LHPP: variants seen among roughly 807,000 people sequenced by gnomAD.
The protein encoded by LHPP is phospholysine phosphohistidine inorganic pyrophosphate phosphatase.
In LHPP, 24 loss-of-function variants were observed where a neutral mutation model predicts 30.3. The observed-to-expected ratio is 0.79, with a 90% CI of 0.57 to 1.11. LHPP has a LOEUF of 1.11. Ranked by LOEUF, LHPP falls within the 50% of genes most tolerant of loss-of-function variation. LHPP has a pLI of 0.00. For synonymous variants in LHPP, 150 were observed against 157.1 expected, an observed-to-expected ratio of 0.95 and a Z score of 0.34; for missense variants, 356 against 367.2, an observed-to-expected ratio of 0.97 and a Z score of 0.25.
intron 6 of LHPP, chr10:124,526,086 G>C: frequency 1.3e-6 from 1 of 745,388 alleles, no homozygotes; most frequent in Non-Finnish European, 1.6e-6. Flanking sequence ...GAGGGTCCTG[G>C]AAGGCGCTGG....
intron 2 of LHPP, 40 bp downstream of exon 2, chr10:124,484,366 C>T: frequency 1.3e-6 from 2 of 1,576,450 alleles, no homozygotes; most frequent in Middle Eastern, 1.8e-4. Flanking sequence ...GGGGTGAAAG[C>T]TCCCCTTTCC....
chr10:124,489,802 G>A, intron 3 of LHPP: 2 of 189,758 alleles, frequency 1.1e-5, no homozygotes, highest in South Asian at 8.4e-5. Context: ...TTTATTCAAT[G>A]CAAAATAACC....
chr10:124,521,971 TCTC>T (rs111405229), intron 6 of LHPP, among the ~76,000 whole-genome samples: 11,170 of 152,214 alleles, frequency 0.073, 620 homozygotes, highest in South Asian at 0.25. Flanking sequence ...GGCAGTGAGA[TCTC>T]CTTGTCACCT....
intron 6 of LHPP, among the ~76,000 whole-genome samples, chr10:124,571,540 A>C (rs1351836850): frequency 6.6e-6 from 1 of 152,212 alleles, no homozygotes; most frequent in East Asian, 1.9e-4. Context: ...ACTGCCTAAA[A>C]GCTGTGGACC....
chr10:124,553,449 C>CTTTTTT (rs35840555), intron 6 of LHPP, among the ~76,000 whole-genome samples: 9 of 61,614 alleles, frequency 1.5e-4, no homozygotes, highest in Admixed American at 2.7e-4. Context: ...TACAGCCATT[C>CTTTTTT]TTTTTTTTTT....
At chr10:124,467,905 T>TA (rs1369731363) in intron 1 of LHPP, among the ~76,000 whole-genome samples, 1 of 152,138 alleles carries the variant, frequency 6.6e-6, no homozygotes, top group Non-Finnish European at 1.5e-5. Flanking sequence ...AGACGGGGTT[T>TA]CACCATGTTG....
At chr10:124,495,770 T>C (rs1031608724) in intron 3 of LHPP, among the ~76,000 whole-genome samples, 1 of 152,184 alleles carries the variant, frequency 6.6e-6, no homozygotes, top group Non-Finnish European at 1.5e-5. Flanking sequence ...ATAATAATAT[T>C]CTCCTGTCTC....
intron 1 of LHPP, among the ~76,000 whole-genome samples, chr10:124,483,352 G>A (rs1164337228): frequency 2.6e-5 from 4 of 152,186 alleles, no homozygotes; most frequent in Non-Finnish European, 5.9e-5. Context: ...ACTTGCAAGT[G>A]GAAATGCCAA....
intron 1 of LHPP, among the ~76,000 whole-genome samples, chr10:124,472,558 T>TA (rs1055331201): frequency 2.0e-5 from 3 of 150,332 alleles, no homozygotes; most frequent in Admixed American, 6.6e-5. Flanking sequence ...TGTATAAACT[T>TA]ACTTTTTTTT....
At chr10:124,526,060 A>G in intron 6 of LHPP, 1 of 467,404 alleles carries the variant, frequency 2.1e-6, no homozygotes, top group Non-Finnish European at 2.8e-6. Flanking sequence ...GCCTCTTGGG[A>G]ACGTGCAGGT....
chr10:124,602,743 T>C (rs1378532257), intron 6 of LHPP, among the ~76,000 whole-genome samples: 4 of 151,582 alleles, frequency 2.6e-5, no homozygotes, highest in Admixed American at 2.0e-4. Context: ...TGGAAGAAAA[T>C]TGGGGTTCAG....
intron 1 of LHPP, among the ~76,000 whole-genome samples, chr10:124,463,070 T>C (rs1952451175): frequency 6.6e-6 from 1 of 152,224 alleles, no homozygotes. Context: ...GGTTTCACCA[T>C]GTTGGGCAGG....
At chr10:124,469,026 A>T (rs1005966011) in intron 1 of LHPP, among the ~76,000 whole-genome samples, 1 of 152,184 alleles carries the variant, frequency 6.6e-6, no homozygotes, top group Non-Finnish European at 1.5e-5. Flanking sequence ...AGCAGGCCCT[A>T]CTTGCCCAGG....
At chr10:124,534,766 C>T (rs919408749) in intron 6 of LHPP, among the ~76,000 whole-genome samples, 3 of 152,170 alleles carry the variant, frequency 2.0e-5, no homozygotes, top group African/African-American at 7.2e-5. Flanking sequence ...GGGTGCTCCC[C>T]AGGCTGGCGC....
At chr10:124,537,411 G>A (rs930439409) in intron 6 of LHPP, among the ~76,000 whole-genome samples, 3 of 152,240 alleles carry the variant, frequency 2.0e-5, no homozygotes, top group Non-Finnish European at 4.4e-5. Flanking sequence ...CAGAGATAGC[G>A]GGCAGCAGGC....
intron 6 of LHPP, among the ~76,000 whole-genome samples, chr10:124,539,528 A>C (rs1199936806): frequency 1.3e-5 from 2 of 152,146 alleles, no homozygotes; most frequent in African/African-American, 2.4e-5. Flanking sequence ...TGGGAGGCCA[A>C]GGAGAGCGGA....
At chr10:124,548,195 C>CG (rs34621200) in intron 6 of LHPP, among the ~76,000 whole-genome samples, 58,971 of 151,854 alleles carry the variant, frequency 0.39, 12,329 homozygotes, top group African/African-American at 0.54. Context: ...CCTTGGGGCC[C>CG]GGCCACTCCA....
chr10:124,498,571 AAAAG>A, intron 5 of LHPP: 1 of 1,094,948 alleles, frequency 9.1e-7, no homozygotes, highest in Non-Finnish European at 1.3e-6. Context: ...TTAGAAAGGA[AAAAG>A]AATCGGTTAT....
intron 1 of LHPP, among the ~76,000 whole-genome samples, chr10:124,476,003 C>G (rs945428067): frequency 2.6e-5 from 4 of 152,210 alleles, no homozygotes; most frequent in Admixed American, 6.5e-5. Context: ...GTGGGATCAA[C>G]ATGTCCCTGT....
Sources: allele counts gnomAD v4.1 joint callset (sites outside exome capture counted in the v4.1 genomes callset), GRCh38; gene constraint gnomAD v4.1.1; transcripts MANE v1.5; gene names NCBI Gene and HGNC (gene_info 2026-07-23, HGNC 2026-07-21).